Variants in IKZF4 observed in about 807,000 individuals in gnomAD.
The protein encoded by IKZF4 is IKAROS family zinc finger 4.
In IKZF4, 11 loss-of-function variants were observed where a neutral mutation model predicts 47.7. The observed-to-expected ratio is 0.23, with a 90% CI of 0.15 to 0.38. IKZF4 has a LOEUF of 0.38. Among genes scored for constraint, IKZF4 ranks in the 10% least tolerant of loss-of-function variants. The probability of loss-of-function intolerance (pLI) is 1.00; values close to 1 mark genes in which losing one functional copy is unlikely to be tolerated. For missense variants in IKZF4, 557 were observed against 784.9 expected, an observed-to-expected ratio of 0.71 and a Z score of 3.47; for synonymous variants, 298 against 299.4, an observed-to-expected ratio of 1.00 and a Z score of 0.05.
At chr12:56,034,454 T>A in intron 7 of IKZF4, 117 bp from the exon 8 acceptor site, 1 of 1,063,524 alleles carries the variant, frequency 9.4e-7, no homozygotes, top group South Asian at 1.6e-5. Flanking sequence ...CGAAAGTAAA[T>A]GCCACGTAGT....
At chr12:56,028,345 G>T (rs1284627448) in intron 5 of IKZF4, among the ~76,000 whole-genome samples, 1 of 150,292 alleles carries the variant, frequency 6.7e-6, no homozygotes, top group Non-Finnish European at 1.5e-5. Flanking sequence ...CCAAAATGGT[G>T]AAACCCTGTC....
At chr12:56,025,905 C>T (rs1181092349) in intron 3 of IKZF4, among the ~76,000 whole-genome samples, 1 of 152,096 alleles carries the variant, frequency 6.6e-6, no homozygotes, top group Non-Finnish European at 1.5e-5. Context: ...GTCGCCTCCT[C>T]TCCTCAGCGA....
At position 56,037,446 on chromosome 12, in the gene IKZF4, T is replaced by C. The variant is rs1274219059; in HGVS notation, c.*2115T>C. 4 of 152,314 alleles carry C rather than the reference T, an allele frequency of 2.6e-5. No homozygotes were observed. Among genetic ancestry groups the C allele is most frequent in the African/African-American group, 9.6e-5 (4 of 41,454 alleles). The allele number at this position is 152,314 out of a possible 1,614,324, so 9.4% of individuals were successfully genotyped here. Reference sequence around the variant, plus strand: ...CTGAGATTAATATCTGGGCTTTTCCTGAACTATTCTGGTTATTGAGCCCTT... The same window carrying C: ...CTGAGATTAATATCTGGGCTTTTCCCGAACTATTCTGGTTATTGAGCCCTT... On this transcript the variant is annotated 3_prime_UTR_variant, in exon 8 of 8. Coordinates refer to ENST00000547167, the MANE Select transcript of IKZF4 (RefSeq NM_022465.4).
chr12:56,018,516 G>A (rs976223289), upstream of IKZF4, among the ~76,000 whole-genome samples: 2 of 152,132 alleles, frequency 1.3e-5, no homozygotes, highest in African/African-American at 4.8e-5. Flanking sequence ...ATGAAATCCT[G>A]TTCTATCCAG....
At chr12:56,015,774 A>G (rs1160272100) in intron 2 of IKZF4, among the ~76,000 whole-genome samples, 1 of 152,114 alleles carries the variant, frequency 6.6e-6, no homozygotes, top group Non-Finnish European at 1.5e-5. Flanking sequence ...GCCCCTCAAT[A>G]CCAGACTGCC....
At chr12:56,013,646 C>T (rs776245101) in intron 2 of IKZF4, among the ~76,000 whole-genome samples, 4 of 152,152 alleles carry the variant, frequency 2.6e-5, no homozygotes, top group African/African-American at 9.7e-5. Context: ...TCTAAGGAGA[C>T]GCTAAGATCT....
intron 6 of IKZF4, 62 bp downstream of exon 6, chr12:56,032,772 A>G: frequency 1.9e-6 from 3 of 1,565,176 alleles, no homozygotes; most frequent in Non-Finnish European, 2.6e-6. Context: ...GTGCTAGACA[A>G]GGGTGACTCC....
At chr12:56,024,877 C>A (rs1592946195) in intron 2 of IKZF4, 177 bp from the exon 3 acceptor site, 1 of 1,488,280 alleles carries the variant, frequency 6.7e-7, no homozygotes, top group Non-Finnish European at 8.9e-7. Flanking sequence ...GAAGGCAGCA[C>A]CAGGCATCCA....
At chr12:56,028,512 G>A (rs1209639193) in intron 5 of IKZF4, among the ~76,000 whole-genome samples, 2 of 129,354 alleles carry the variant, frequency 1.5e-5, no homozygotes, top group East Asian at 2.3e-4. Context: ...TAGCCTGGGC[G>A]ACTGAGCGAC....
In IKZF4 at chr12:56,021,162, T is replaced by G; in HGVS notation, c.-332T>G. ...CACCCACCACCCACCCCCTTCACTG[T>G]CTTGGAAAAGGGATGCTGTAGCCTA... On this transcript the variant is annotated 5_prime_UTR_variant, in exon 1 of 8. Coordinates refer to ENST00000547167, the MANE Select transcript of IKZF4 (RefSeq NM_022465.4). The G allele has an allele frequency of 7.5e-6, 10 of 1,324,786 alleles. No homozygotes were observed. The highest frequency in any genetic ancestry group is 7.8e-6 in the Non-Finnish European group (8 of 1,031,594). The allele number at this position is 1,324,786 out of a possible 1,614,324, so 82.1% of individuals were successfully genotyped here.
In IKZF4 at chr12:56,034,669, G is replaced by A; in HGVS notation, c.1096G>A (p.Glu366Lys). Residue 366 changes from glutamate to lysine, a missense_variant, in exon 8 of 8, where the codon GAG becomes AAG. Physicochemically the swap from Glu to Lys is moderately conservative, Grantham distance 56. Around this residue, in one of 6 missense-constraint regions of IKZF4, gnomAD observed 280 missense variants for 314.0 expected, o/e 0.89. Transcript: ENST00000547167. The stretch of plus-strand genomic sequence containing the variant: ...GGAGTTGGTGGCACACCACAGCCTA[G>A]AGCCTGGCTTTGGAAGTTCCCTGGC... ...DVELVAHHSL[E>K]PGFGSSLAFV... is the part of the protein sequence containing the mutation. The A allele has an allele frequency of 5.0e-6, 8 of 1,614,054 alleles. No individual in the cohort carries two copies. Among genetic ancestry groups the A allele is most frequent in the Non-Finnish European group, 6.8e-6 (8 of 1,179,902 alleles).
upstream of IKZF4, among the ~76,000 whole-genome samples, chr12:56,017,364 G>A (rs1313274899): frequency 1.3e-5 from 2 of 151,426 alleles, no homozygotes; most frequent in Non-Finnish European, 2.9e-5. Flanking sequence ...ACCCTGAGTG[G>A]GCTGCTCTCC....
intron 1 of IKZF4, among the ~76,000 whole-genome samples, chr12:56,008,306 A>G (rs1890941879): frequency 6.6e-6 from 1 of 151,902 alleles, no homozygotes. Context: ...GCTGGGAAAG[A>G]AGAGATTCAC....
intron 1 of IKZF4, 177 bp downstream of exon 1, chr12:56,021,757 A>G: frequency 1.1e-6 from 1 of 948,994 alleles, no homozygotes; most frequent in Non-Finnish European, 1.5e-6. Flanking sequence ...GTTCCTCCTT[A>G]TACTTGCGGA....
At position 56,021,688 on chromosome 12, in the gene IKZF4, C is replaced by CTGTGTGTGTGTG. The variant is rs67296911; in HGVS notation, c.87+140_87+151dup. The CTGTGTGTGTGTG allele has an allele frequency of 6.3e-4, 417 of 658,828 alleles. 4 individuals carry two copies. Among genetic ancestry groups the CTGTGTGTGTGTG allele is most frequent in the Admixed American group, 8.9e-4 (32 of 36,004 alleles). The allele number at this position is 658,828 out of a possible 1,614,324, so 40.8% of individuals were successfully genotyped here. A position where few individuals can be genotyped will look rare whatever the true frequency, so the allele number is the denominator to read the frequency against. On this transcript the variant is annotated intron_variant, in intron 1 of 7. Transcript: ENST00000547167. ...CCTGAGGAGATGGAGAGGATGGGGG[C>CTGTGTGTGTGTG]TGTGTGTGTGTGTGTGTGTGTGTGT...
intron 2 of IKZF4, chr12:56,024,793 C>T (rs948756830): frequency 1.5e-5 from 20 of 1,318,382 alleles, no homozygotes; most frequent in Admixed American, 6.3e-5. Context: ...TTCCTGTGGA[C>T]GTCAGGCAGT....
Position 56,021,611 on chromosome 12 carries a change from G to A in IKZF4, c.87+31G>A, listed in dbSNP as rs761021994. On this transcript the variant is annotated intron_variant, in intron 1 of 7. Transcript: ENST00000547167. ...TTCAGGCAGAAGGCGGCTAGTGGAG[G>A]GAGGAAGGGGGGTGCTGGGGCTAGG... 57 of 1,574,206 alleles carry A rather than the reference G, an allele frequency of 3.6e-5. No homozygotes were observed. In the Middle Eastern group the frequency reaches 5.0e-4, roughly 14 times the overall value.
At chr12:56,032,115 A>T (rs1417319716) in intron 5 of IKZF4, among the ~76,000 whole-genome samples, 3 of 152,156 alleles carry the variant, frequency 2.0e-5, no homozygotes. Context: ...CAGATAGTTC[A>T]TAAAAAGCAA....
intron 1 of IKZF4, among the ~76,000 whole-genome samples, chr12:56,023,301 G>A (rs1412428634): frequency 6.6e-6 from 1 of 152,120 alleles, no homozygotes; most frequent in Non-Finnish European, 1.5e-5. Flanking sequence ...GGGCAATTCA[G>A]CACTAATAAA....
Sources: allele counts gnomAD v4.1 joint callset (sites outside exome capture counted in the v4.1 genomes callset), GRCh38; gene constraint gnomAD v4.1.1; regional missense constraint gnomAD v4.1.1; transcripts MANE v1.5; gene names NCBI Gene and HGNC (gene_info 2026-07-23, HGNC 2026-07-21).